The following GJB2 variants were observed in gnomAD, a reference collection of about 807,000 sequenced individuals.
The protein encoded by GJB2 is gap junction beta-2 protein.
In GJB2, 30 loss-of-function variants were observed where a neutral mutation model predicts 16.0. That is an observed-to-expected ratio of 1.88 (90% CI 1.41 to 2.55). The LOEUF is 2.55. Ranked by LOEUF, GJB2 falls within the 30% of genes most tolerant of loss-of-function variation. The pLI is 0.00. For missense variants in GJB2, 284 were observed against 289.7 expected, an observed-to-expected ratio of 0.98 and a Z score of 0.14; for synonymous variants, 123 against 119.1, an observed-to-expected ratio of 1.03 and a Z score of -0.21.
chr13:20,191,760 A>G (rs995310976), intron 1 of GJB2, among the ~76,000 whole-genome samples: 1 of 152,218 alleles, frequency 6.6e-6, no homozygotes, highest in Non-Finnish European at 1.5e-5. Context: ...GGAAGACACT[A>G]GGTGAATCAC....
chr13:20,191,658 C>T (rs926022478), intron 1 of GJB2, among the ~76,000 whole-genome samples: 62 of 152,272 alleles, frequency 4.1e-4, no homozygotes, highest in African/African-American at 1.4e-3. Context: ...CGACCCTGGG[C>T]GGTTACATGC....
In GJB2 at chr13:20,189,487, C is replaced by A. The variant is rs111033190; in HGVS notation, c.95G>T (p.Arg32Leu). The A allele has an allele frequency of 1.1e-5, 18 of 1,613,756 alleles. No homozygotes were observed. The Admixed American group carries it at 1.3e-4, about 12-fold the overall frequency. ...KIWLTVLFIF[R>L]IMILVVAAKE... The stretch of plus-strand genomic sequence containing the variant: ...TGCAGCCACAACGAGGATCATAATG[C>A]GAAAAATGAAGAGGACGGTGAGCCA... Residue 32 changes from arginine (R) to leucine (L), a missense_variant, in exon 2 of 2, where the codon CGC becomes CTC. By Grantham distance (102) the Arg-to-Leu change is moderately radical. Transcript: ENST00000382848.
chr13:20,192,676 A>C (rs1435447401), intron 1 of GJB2, 107 bp downstream of exon 1: 3 of 152,232 alleles, frequency 2.0e-5, no homozygotes, highest in Non-Finnish European at 4.4e-5. Context: ...GTGTTGGTCC[A>C]GCCCCCCGGT....
intron 1 of GJB2, among the ~76,000 whole-genome samples, chr13:20,191,894 A>C (rs1366579790): frequency 6.6e-6 from 1 of 152,258 alleles, no homozygotes; most frequent in Non-Finnish European, 1.5e-5. Context: ...CAGTGTCTGA[A>C]ATTGTGACCG....
intron 1 of GJB2, 100 bp downstream of exon 1, chr13:20,192,683 C>G (rs1325610623): frequency 1.3e-5 from 2 of 152,258 alleles, no homozygotes; most frequent in Admixed American, 1.3e-4. Flanking sequence ...TCCAGCCCCC[C>G]GGTTCCCCGA....
Position 20,189,147 on chromosome 13 carries a change from G to A in GJB2, c.435C>T (p.Ile145=), listed in dbSNP as rs1210470150. 12 of 1,614,150 alleles carry A rather than the reference G, an allele frequency of 7.4e-6. No individual in the cohort carries two copies. Among genetic ancestry groups the A allele is most frequent in the Non-Finnish European group, 8.5e-6 (10 of 1,180,044 alleles). Residue 145 remains isoleucine (I), a synonymous_variant, in exon 2 of 2, where the codon ATC becomes ATT. Coordinates refer to ENST00000382848, the MANE Select transcript of GJB2 (RefSeq NM_004004.6). ...TYTSSIFFRV[I]FEAAFMYVFY... ...AGACGTACATGAAGGCGGCTTCGAA[G>A]ATGACCCGGAAGAAGATGCTGCTTG...
chr13:20,192,160 CG>C (rs1297743469), intron 1 of GJB2, among the ~76,000 whole-genome samples: 1 of 152,132 alleles, frequency 6.6e-6, no homozygotes, highest in African/African-American at 2.4e-5. Context: ...TCCTTCTAGG[CG>C]GGGAGCACAG....
intron 1 of GJB2, among the ~76,000 whole-genome samples, chr13:20,192,143 A>C (rs1959080327): frequency 1.3e-5 from 2 of 152,290 alleles, no homozygotes; most frequent in South Asian, 4.1e-4. Context: ...AAGGGTCCTA[A>C]AAATTTTCCT....
In GJB2 at chr13:20,188,961, G is replaced by A. The variant is rs1959055309; in HGVS notation, c.621C>T (p.Val207=). The A allele has an allele frequency of 6.2e-7, 1 of 1,613,922 alleles. No individual in the cohort carries two copies. Among genetic ancestry groups the A allele is most frequent in the Non-Finnish European group, 8.5e-7 (1 of 1,179,992 alleles). The part of the protein sequence containing the change: ...AVSGICILLN[V]TELCYLLIRY... ...TAATTAGCAAATAACACAATTCAGTGACATTCAGCAGGATGCAAATTCCAG... is the reference window on the plus strand; with the variant it reads ...TAATTAGCAAATAACACAATTCAGTAACATTCAGCAGGATGCAAATTCCAG... The change falls in exon 2 of 2, where the codon GTC becomes GTT. Residue 207 remains valine (V), a synonymous_variant. Coordinates refer to ENST00000382848, the MANE Select transcript of GJB2 (RefSeq NM_004004.6).
At chr13:20,192,441 C>G (rs1289549243) in intron 1 of GJB2, among the ~76,000 whole-genome samples, 1 of 152,216 alleles carries the variant, frequency 6.6e-6, no homozygotes, top group Non-Finnish European at 1.5e-5. Context: ...GGTCAAGTAG[C>G]CAGGCGGCTG....
chr13:20,189,228 G>C lies in GJB2; in HGVS notation c.354C>G (p.Ile118Met). 6.2e-7 allele frequency: 1 copy of C among 1,613,556 alleles called. No homozygotes were observed. The highest frequency in any genetic ancestry group is 8.5e-7 in the Non-Finnish European group (1 of 1,180,022). The change falls in exon 2 of 2, where the codon ATC becomes ATG. Residue 118 changes from isoleucine to methionine, a missense_variant. Ile to Met is a conservative substitution (Grantham distance 10). Coordinates refer to ENST00000382848, the MANE Select transcript of GJB2 (RefSeq NM_004004.6). ...GGACCTTCTGGGTTTTGATCTCCTC[G>C]ATGTCCTTAAATTCACTCTTTATCT... ...KGEIKSEFKD[I>M]EEIKTQKVRI... is the part of the protein sequence containing the mutation.
rs1187038725 is a variant in GJB2, at chr13:20,187,772, G to C, written c.*1129C>G. The C allele has an allele frequency of 2.0e-5, 3 of 152,090 alleles. No homozygotes were observed. The highest frequency in any genetic ancestry group is 4.4e-5 in the Non-Finnish European group (3 of 68,034). 9.4% of individuals were successfully genotyped at this position (152,090 alleles called of 1,614,324 possible). A position where few individuals can be genotyped will look rare whatever the true frequency, so the allele number is the denominator to read the frequency against. ...AGCTATATTTTCACTTAAAAAATTG[G>C]AGGCTGAAGGGGTAAGCAAACAAAC... is the stretch of plus-strand genomic sequence containing the variant. On this transcript the variant is annotated 3_prime_UTR_variant, in exon 2 of 2. Coordinates refer to ENST00000382848, the MANE Select transcript of GJB2 (RefSeq NM_004004.6).
chr13:20,192,845 G>C lies in GJB2; in HGVS notation c.-85C>G, dbSNP rs1868395402. ...GTCTCGGCGTTGGGGTCTCTGCGCT[G>C]GGGCTCCTGCGCTCCTAGGCGGGTC... On this transcript the variant is annotated 5_prime_UTR_variant, in exon 1 of 2. Transcript: ENST00000382848. The C allele has an allele frequency of 6.5e-6, 1 of 153,074 alleles. No homozygotes were observed. The highest frequency in any genetic ancestry group is 1.5e-5 in the Non-Finnish European group (1 of 68,384). The allele number at this position is 153,074 out of a possible 1,614,324, so 9.5% of individuals were successfully genotyped here.
chr13:20,192,189 G>A (rs1326147249), intron 1 of GJB2, among the ~76,000 whole-genome samples: 6 of 152,152 alleles, frequency 3.9e-5, no homozygotes, highest in African/African-American at 1.4e-4. Flanking sequence ...ACAGACCCTC[G>A]TGAAGTGTTT....
chr13:20,189,614 C>G lies in GJB2; in HGVS notation c.-22-11G>C. 6.3e-7 allele frequency: 1 copy of G among 1,579,798 alleles called. No homozygotes were observed. Among genetic ancestry groups the G allele is most frequent in the Non-Finnish European group, 8.7e-7 (1 of 1,149,320 alleles). On this transcript the variant is annotated splice_polypyrimidine_tract_variant and intron_variant, in intron 1 of 1. Coordinates refer to ENST00000382848, the MANE Select transcript of GJB2 (RefSeq NM_004004.6). ...TCTGGGCGGTTTGCTCTGGAAAAGACGAATGCACACAACACAGGAATCACT... is the reference window on the plus strand; with the variant it reads ...TCTGGGCGGTTTGCTCTGGAAAAGAGGAATGCACACAACACAGGAATCACT...
Position 20,189,075 on chromosome 13 carries a change from G to C in GJB2, c.507C>G (p.Cys169Trp). 6.2e-7 allele frequency: 1 copy of C among 1,614,036 alleles called. No homozygotes were observed. The highest frequency in any genetic ancestry group is 8.5e-7 in the Non-Finnish European group (1 of 1,180,016). ...CAGTGTTGGGACAAGGCCAGGCGTT[G>C]CACTTCACCAGCCGCTGCATGGAGA... ...DGFSMQRLVK[C>W]NAWPCPNTVD... The change falls in exon 2 of 2, where the codon TGC becomes TGG. Residue 169 changes from cysteine (C) to tryptophan (W), a missense_variant. Coordinates refer to ENST00000382848, the MANE Select transcript of GJB2 (RefSeq NM_004004.6).
chr13:20,188,687 T>C lies in GJB2; in HGVS notation c.*214A>G, dbSNP rs1303135946. ...AAGTGAAAGAAAATTAAGACAGGCATAGAATTAGGCCTTTGTTTTGAGGCT... is the reference window on the plus strand; with the variant it reads ...AAGTGAAAGAAAATTAAGACAGGCACAGAATTAGGCCTTTGTTTTGAGGCT... On this transcript the variant is annotated 3_prime_UTR_variant, in exon 2 of 2. Coordinates refer to ENST00000382848, the MANE Select transcript of GJB2 (RefSeq NM_004004.6). The C allele has an allele frequency of 8.5e-6, 5 of 590,910 alleles. No individual in the cohort carries two copies. The highest frequency in any genetic ancestry group is 3.0e-5 in the Admixed American group (1 of 33,410). The allele number at this position is 590,910 out of a possible 1,614,324, so 36.6% of individuals were successfully genotyped here. A position where few individuals can be genotyped will look rare whatever the true frequency, so the allele number is the denominator to read the frequency against.
At chr13:20,192,039 G>A (rs1223119855) in intron 1 of GJB2, among the ~76,000 whole-genome samples, 2 of 152,212 alleles carry the variant, frequency 1.3e-5, no homozygotes, top group Admixed American at 6.5e-5. Context: ...AGCGCTGTTC[G>A]GGCTGCCTTC....
Position 20,189,567 on chromosome 13 carries a change from C to G in GJB2, c.15G>C (p.Thr5=), listed in dbSNP as rs757226502. Residue 5 remains threonine (T), a synonymous_variant, in exon 2 of 2, where the codon ACG becomes ACC. Coordinates refer to ENST00000382848, the MANE Select transcript of GJB2 (RefSeq NM_004004.6). ...TCACACCCCCCAGGATCGTCTGCAGCGTGCCCCAATCCATCTTCTACTCTG... is the reference window on the plus strand; with the variant it reads ...TCACACCCCCCAGGATCGTCTGCAGGGTGCCCCAATCCATCTTCTACTCTG... MDWG[T]LQTILGGVNK... is the part of the protein sequence containing the mutation. The G allele has an allele frequency of 6.2e-7, 1 of 1,614,084 alleles. No individual in the cohort carries two copies. The highest frequency in any genetic ancestry group is 1.7e-4 in the Middle Eastern group (1 of 6,038).
Sources: allele counts gnomAD v4.1 joint callset (sites outside exome capture counted in the v4.1 genomes callset), GRCh38; gene constraint gnomAD v4.1.1; transcripts MANE v1.5; gene names NCBI Gene and HGNC (gene_info 2026-07-23, HGNC 2026-07-21).